NRXN1: variants seen among roughly 807,000 people sequenced by gnomAD.
NRXN1 encodes the protein neurexin 1.
NRXN1 carries 39 observed loss-of-function variants against 150.9 expected under a neutral mutation model. The observed-to-expected ratio is 0.26, with a 90% confidence interval of 0.20 to 0.34. The LOEUF is 0.34. Among genes scored for constraint, NRXN1 ranks in the 10% least tolerant of loss-of-function variants. The probability of loss-of-function intolerance (pLI) is 1.00; values close to 1 mark genes in which losing one functional copy is unlikely to be tolerated. For missense variants in NRXN1, 1,815 were observed against 1,949.9 expected (o/e 0.93, Z 1.30); for synonymous variants, 924 against 757.0 (o/e 1.22, Z -3.62).
chr2:50,675,782 T>C (rs1247225316), intron 5 of NRXN1, among the ~76,000 whole-genome samples: 1 of 152,010 alleles, frequency 6.6e-6, no homozygotes, highest in African/African-American at 2.4e-5. Flanking sequence ...ACAAGAGCAA[T>C]AATAAAGATG....
chr2:50,179,229 G>A (rs988426735), intron 18 of NRXN1, among the ~76,000 whole-genome samples: 1 of 151,994 alleles, frequency 6.6e-6, no homozygotes, highest in Non-Finnish European at 1.5e-5. Flanking sequence ...CCAGGGAGAC[G>A]GTAGTAGATA....
At chr2:50,077,038 G>A (rs1697221292) in intron 19 of NRXN1, among the ~76,000 whole-genome samples, 1 of 152,118 alleles carries the variant, frequency 6.6e-6, no homozygotes, top group African/African-American at 2.4e-5. Context: ...CTATGGTGTT[G>A]GCAAGTAAAT....
Position 49,987,319 on chromosome 2 carries a change from T to TA in NRXN1, c.4129-43529dup, listed in dbSNP as rs1301479357. Among the ~76,000 whole-genome samples, 5 of 152,306 alleles carry TA rather than the reference T, an allele frequency of 3.3e-5. No individual in the cohort carries two copies. The East Asian group carries it at 9.7e-4, about 29-fold the overall frequency. ...AATTTTGACCTCACTGAAAAGGTCT[T>TA]ACAACACTCCTTTCCCCTGTCCTAA... is the stretch of plus-strand genomic sequence containing the variant. On this transcript the variant is annotated intron_variant, in intron 21 of 22. Transcript: ENST00000401669.
At chr2:50,576,368 T>C (rs1369790255) in intron 8 of NRXN1, among the ~76,000 whole-genome samples, 1 of 152,186 alleles carries the variant, frequency 6.6e-6, no homozygotes, top group Non-Finnish European at 1.5e-5. Flanking sequence ...GACAGTGTCA[T>C]ATATTCTAGT....
chr2:50,511,219 C>T (rs1361448037), intron 12 of NRXN1, among the ~76,000 whole-genome samples: 2 of 152,130 alleles, frequency 1.3e-5, no homozygotes, highest in African/African-American at 2.4e-5. Flanking sequence ...CACTACCATG[C>T]CCAGCTAATT....
intron 18 of NRXN1, among the ~76,000 whole-genome samples, chr2:50,219,359 GA>G (rs34949214): frequency 0.31 from 44,976 of 143,520 alleles, 7,429 homozygotes; most frequent in African/African-American, 0.45. Flanking sequence ...CTGTTTTGGG[GA>G]AAAAAAAAAA....
At chr2:50,446,695 T>C (rs973941888) in intron 17 of NRXN1, among the ~76,000 whole-genome samples, 19 of 151,962 alleles carry the variant, frequency 1.3e-4, no homozygotes, top group Admixed American at 9.8e-4. Flanking sequence ...TGAGTAATAC[T>C]TTTTGGCTGT....
At chr2:50,177,513 G>C (rs2060424612) in intron 18 of NRXN1, among the ~76,000 whole-genome samples, 1 of 151,382 alleles carries the variant, frequency 6.6e-6, no homozygotes, top group Non-Finnish European at 1.5e-5. Context: ...TATAAATATA[G>C]TAAATATATC....
In NRXN1 at chr2:50,497,610, G is replaced by A. The variant is rs771547972; in HGVS notation, c.2602C>T (p.His868Tyr). The A allele has an allele frequency of 6.2e-7, 1 of 1,613,898 alleles. No homozygotes were observed. Among genetic ancestry groups the A allele is most frequent in the Non-Finnish European group, 8.5e-7 (1 of 1,179,862 alleles). ...CCATTAAATGTCAAGCTCTGCAGGT[G>A]TCCAATGAAGTTGGAGGGGACAGAA... ...LSSVPSNFIG[H>Y]LQSLTFNGMA... The change falls in exon 14 of 23, where the codon CAC (histidine) becomes TAC (tyrosine). Residue 868 changes from histidine to tyrosine, a missense_variant. Around this residue, in one of 6 missense-constraint regions of NRXN1, gnomAD observed 638 missense variants for 652.6 expected, o/e 0.98. Coordinates refer to ENST00000401669, the MANE Select transcript of NRXN1 (RefSeq NM_001330078.2).
chr2:50,407,809 G>A (rs189286513), intron 17 of NRXN1, among the ~76,000 whole-genome samples: 263 of 152,068 alleles, frequency 1.7e-3, no homozygotes, highest in African/African-American at 2.3e-3. Context: ...CCTCCACAAC[G>A]GTAAGAAATA....
At chr2:50,535,166 C>T (rs1461028907) in intron 10 of NRXN1, among the ~76,000 whole-genome samples, 1 of 152,138 alleles carries the variant, frequency 6.6e-6, no homozygotes, top group Non-Finnish European at 1.5e-5. Flanking sequence ...AAATGGTAAA[C>T]AACATTCTGA....
rs1311711855 is a variant in NRXN1, at chr2:50,747,868, C to G, written c.833-124253G>C. 3.9e-5 allele frequency among the ~76,000 whole-genome samples: 6 copies of G among 152,154 alleles called. No homozygotes were observed. The East Asian group carries it at 1.2e-3, about 30-fold the overall frequency. The stretch of plus-strand genomic sequence containing the variant: ...AAGCACACTGTGGTTGAGCAACTTG[C>G]CCAAGGCTCGCAACCAGGAGAAGGT... On this transcript the variant is annotated intron_variant, in intron 5 of 22. Transcript: ENST00000401669.
At chr2:49,982,483 A>AC (rs5831064) in intron 21 of NRXN1, among the ~76,000 whole-genome samples, 72,298 of 151,400 alleles carry the variant, frequency 0.48, 17,947 homozygotes, top group Middle Eastern at 0.63. Flanking sequence ...ACTTAAAAAA[A>AC]ACACACAAAA....
intron 5 of NRXN1, among the ~76,000 whole-genome samples, chr2:50,900,739 G>A (rs531308180): frequency 5.9e-5 from 9 of 152,268 alleles, no homozygotes; most frequent in East Asian, 1.9e-4. Context: ...ACGGCATTCC[G>A]TGATGTTGTA....
intron 8 of NRXN1, among the ~76,000 whole-genome samples, chr2:50,558,657 T>A (rs192159196): frequency 1.3e-5 from 2 of 152,220 alleles, no homozygotes; most frequent in Non-Finnish European, 2.9e-5. Flanking sequence ...TAACAAACGT[T>A]ATCTTAAAAA....
At position 49,922,370 on chromosome 2, in the gene NRXN1, C is replaced by G. The variant is rs189641521; in HGVS notation, c.4217-119G>C. On this transcript the variant is annotated intron_variant, in intron 22 of 22. Transcript: ENST00000401669. ...GCACCTATGCTTTAGGAAAGGTATG[C>G]TATTGATAAATGTAGCCATCCCTTT... The G allele has an allele frequency of 2.0e-3, 2,109 of 1,063,026 alleles. 8 individuals carry two copies. The highest frequency in any genetic ancestry group is 2.0e-3 in the Non-Finnish European group (1,444 of 713,268). The allele number at this position is 1,063,026 out of a possible 1,614,324, so 65.8% of individuals were successfully genotyped here.
intron 5 of NRXN1, among the ~76,000 whole-genome samples, chr2:50,645,973 A>G (rs1274009458): frequency 6.6e-6 from 1 of 151,924 alleles, no homozygotes; most frequent in Non-Finnish European, 1.5e-5. Context: ...TTGAGAACAG[A>G]TACTCAACTG....
At position 50,742,214 on chromosome 2, in the gene NRXN1, T is replaced by G. The variant is rs188009108; in HGVS notation, c.833-118599A>C. On this transcript the variant is annotated intron_variant, in intron 5 of 22. Coordinates refer to ENST00000401669, the MANE Select transcript of NRXN1 (RefSeq NM_001330078.2). ...CTAAATGTTTCAAAGAGAAAGAAAT[T>G]TAACTTTGAGAATTGCAATATTTAC... Among the ~76,000 whole-genome samples, 12 of 152,102 alleles carry G rather than the reference T, an allele frequency of 7.9e-5. No individual in the cohort carries two copies. The East Asian group carries it at 2.3e-3, about 29-fold the overall frequency.
At chr2:49,959,038 C>T (rs1318055375) in intron 21 of NRXN1, among the ~76,000 whole-genome samples, 1 of 152,194 alleles carries the variant, frequency 6.6e-6, no homozygotes, top group East Asian at 1.9e-4. Context: ...CTTCCAAATG[C>T]AAAGTTCTTC....
Sources: gnomAD v4.1 joint callset for allele counts (sites outside exome capture counted in the v4.1 genomes callset) on GRCh38, gnomAD v4.1.1 for gene constraint, gnomAD v4.1.1 regional missense constraint, MANE v1.5 for transcripts, NCBI Gene and HGNC (gene_info 2026-07-23, HGNC 2026-07-21) for gene names.